Variants in JPT2 observed in about 807,000 individuals in gnomAD.
JPT2 encodes the protein Jupiter microtubule associated homolog 2, also known as CRAMP_1 like.
JPT2 carries 9 observed loss-of-function variants against 15.9 expected under a neutral mutation model. That is an observed-to-expected ratio of 0.57 (90% CI 0.34 to 0.99). The LOEUF is 0.99. Among genes scored for constraint, JPT2 ranks in the 50% least tolerant of loss-of-function variants. The probability of loss-of-function intolerance (pLI) is 0.02; values close to 1 mark genes in which losing one functional copy is unlikely to be tolerated. For missense variants in JPT2, 267 were observed against 252.1 expected, an observed-to-expected ratio of 1.06 and a Z score of -0.40; for synonymous variants, 95 against 91.7, an observed-to-expected ratio of 1.04 and a Z score of -0.21.
At chr16:1,678,771 G>A (rs1039229378) in intron 1 of JPT2, among the ~76,000 whole-genome samples, 11 of 151,910 alleles carry the variant, frequency 7.2e-5, no homozygotes, top group Admixed American at 7.2e-4. Context: ...ATGTTCCCGG[G>A]GGGGTGTCCC....
chr16:1,683,019 C>T (rs2037036115), intron 1 of JPT2, among the ~76,000 whole-genome samples: 1 of 152,090 alleles, frequency 6.6e-6, no homozygotes, highest in Admixed American at 6.6e-5. Flanking sequence ...GCTCTGTCAC[C>T]CAGGCTGGAA....
At chr16:1,702,789 G>GA (rs2037187606), downstream of JPT2, among the ~76,000 whole-genome samples, 2 of 152,212 alleles carry the variant, frequency 1.3e-5, no homozygotes, top group South Asian at 4.1e-4. Context: ...GAACATCACA[G>GA]GGAACTGTGT....
chr16:1,678,289 G>T lies in JPT2; in HGVS notation c.-24G>T. 8.1e-7 allele frequency: 1 copy of T among 1,236,192 alleles called. No individual in the cohort carries two copies. The highest frequency in any genetic ancestry group is 1.0e-6 in the Non-Finnish European group (1 of 986,866). 76.6% of individuals were successfully genotyped at this position (1,236,192 alleles called of 1,614,324 possible). On this transcript the variant is annotated 5_prime_UTR_variant, in exon 1 of 5. Coordinates refer to ENST00000248098, the MANE Select transcript of JPT2 (RefSeq NM_144570.3). Reference sequence around the variant, plus strand: ...TGGGCGGGCGGGAACGGCGCGCGGCGAGCTGAGGGTGGCGGCGGTCGACAT... The same window carrying T: ...TGGGCGGGCGGGAACGGCGCGCGGCTAGCTGAGGGTGGCGGCGGTCGACAT...
intron 1 of JPT2, chr16:1,680,253 T>A (rs1024968970): frequency 2.3e-6 from 2 of 862,462 alleles, no homozygotes; most frequent in African/African-American, 1.8e-5. Flanking sequence ...ATTTAGTACG[T>A]TTCCTTTTTG....
intron 1 of JPT2, among the ~76,000 whole-genome samples, chr16:1,682,246 G>A (rs2037029101): frequency 6.6e-6 from 1 of 152,102 alleles, no homozygotes. Context: ...GCACGGTGAC[G>A]CACACCTGTA....
Position 1,698,970 on chromosome 16 carries a change from G to C in JPT2, c.545G>C (p.Gly182Ala). Residue 182 changes from glycine to alanine, a missense_variant, in exon 5 of 5, where the codon GGA becomes GCA. Transcript: ENST00000248098. The surrounding 1 kb of genome is among the most constrained non-coding windows in gnomAD (Gnocchi z 4.9). ...CACAACAAGGTCCTGAACCCACCGG[G>C]AGGCAAATCCAGCATCTCCTTCTAC... Reference protein sequence around the residue: ...RSHNKVLNPPGGKSSISFY With the variant: ...RSHNKVLNPPAGKSSISFY 6.2e-7 allele frequency: 1 copy of C among 1,613,428 alleles called. No homozygotes were observed. The highest frequency in any genetic ancestry group is 8.5e-7 in the Non-Finnish European group (1 of 1,179,672).
rs957983512 is a variant in JPT2 at position 1,698,877 on chromosome 16, C to G, written c.452C>G (p.Ala151Gly). ...GGCAGCGCCAGAAAAGCAGGCCCCG[C>G]CAAGGAGCAGGAGCCCATGCCCACA... ...EKGSARKAGP[A>G]KEQEPMPTVD... Residue 151 changes from alanine to glycine, a missense_variant, in exon 5 of 5, where the codon GCC (alanine) becomes GGC (glycine). By Grantham distance (60) the Ala-to-Gly change is moderately conservative (BLOSUM62 0). Coordinates refer to ENST00000248098, the MANE Select transcript of JPT2 (RefSeq NM_144570.3). The surrounding 1 kb of genome is among the most constrained non-coding windows in gnomAD (Gnocchi z 4.9). The G allele has an allele frequency of 3.1e-6, 5 of 1,614,102 alleles. No homozygotes were observed. The East Asian group carries it at 1.1e-4, about 36-fold the overall frequency.
chr16:1,689,662 G>A (rs2037091184), intron 2 of JPT2: 1 of 152,192 alleles, frequency 6.6e-6, no homozygotes, highest in Non-Finnish European at 1.5e-5. Flanking sequence ...CGCTAGTATT[G>A]AACTCCTGGA....
At chr16:1,702,547 T>C (rs1488518129), downstream of JPT2, among the ~76,000 whole-genome samples, 4 of 152,254 alleles carry the variant, frequency 2.6e-5, no homozygotes, top group African/African-American at 7.2e-5. Context: ...TGTCCAGGAA[T>C]ACACAGGCTC....
At chr16:1,684,910 CAAAAAAA>C (rs552406058) in intron 1 of JPT2, among the ~76,000 whole-genome samples, 2 of 75,360 alleles carry the variant, frequency 2.7e-5, no homozygotes, top group African/African-American at 1.0e-4. Flanking sequence ...GACTCCATCT[CAAAAAAA>C]AAAAAAAAAG....
intron 2 of JPT2, among the ~76,000 whole-genome samples, chr16:1,687,634 G>A (rs572613573): frequency 5.3e-5 from 8 of 152,300 alleles, no homozygotes; most frequent in Non-Finnish European, 1.0e-4. Flanking sequence ...GGCCCCTTGC[G>A]GTTAGTGAGC....
chr16:1,694,489 C>G (rs982724366), intron 3 of JPT2, among the ~76,000 whole-genome samples: 1 of 152,130 alleles, frequency 6.6e-6, no homozygotes, highest in African/African-American at 2.4e-5. Context: ...GGAAAAAAGT[C>G]CTATAATTCA....
rs200710134 is a variant in JPT2 at position 1,697,039 on chromosome 16, GCGGGAATGA to G, written c.337-771_337-763del. Reference sequence around the variant, plus strand: ...CAGGATTATTCACAGTAGCCCAAGGGCGGGAATGACTCATTTGTCCATCAACAGATGAAT... The same window carrying G: ...CAGGATTATTCACAGTAGCCCAAGGGCTCATTTGTCCATCAACAGATGAAT... On this transcript the variant is annotated intron_variant, in intron 3 of 4. Transcript: ENST00000248098. 5.9e-4 allele frequency among the ~76,000 whole-genome samples: 90 copies of G among 152,320 alleles called. 3 individuals carry two copies. The East Asian group carries it at 0.017, about 29-fold the overall frequency.
At chr16:1,680,422 C>A in intron 1 of JPT2, 1 of 1,184,976 alleles carries the variant, frequency 8.4e-7, no homozygotes, top group Non-Finnish European at 1.1e-6. Context: ...GGTTTCTGGA[C>A]AAGGTGTTGA....
At position 1,699,568 on chromosome 16, in the gene JPT2, T is replaced by G; in HGVS notation, c.*570T>G. 1 of 327,008 alleles carries G rather than the reference T, an allele frequency of 3.1e-6. No homozygotes were observed. The highest frequency in any genetic ancestry group is 7.7e-5 in the East Asian group (1 of 12,952). 20.3% of individuals were successfully genotyped at this position (327,008 alleles called of 1,614,324 possible). A position where few individuals can be genotyped will look rare whatever the true frequency, so the allele number is the denominator to read the frequency against. On this transcript the variant is annotated 3_prime_UTR_variant, in exon 5 of 5. Transcript: ENST00000248098. ...CAGCTTTCAAAAAACCAAATAATAATAGTTATCCGTCTTCTACTTCATGGA... is the reference window on the plus strand; with the variant it reads ...CAGCTTTCAAAAAACCAAATAATAAGAGTTATCCGTCTTCTACTTCATGGA...
chr16:1,683,169 G>A (rs938395287), intron 1 of JPT2, among the ~76,000 whole-genome samples: 2 of 152,062 alleles, frequency 1.3e-5, no homozygotes, highest in Admixed American at 1.3e-4. Flanking sequence ...GTAGAGACGG[G>A]ATTTCACCGT....
rs1567468536 is a variant in JPT2 at position 1,683,487 on chromosome 16, T to TC, written c.45-1951dup. 14 of 1,483,198 alleles carry TC rather than the reference T, an allele frequency of 9.4e-6. No homozygotes were observed. In the South Asian group the frequency reaches 1.1e-4, roughly 12 times the overall value. The allele number at this position is 1,483,198 out of a possible 1,614,324, so 91.9% of individuals were successfully genotyped here. ...TCTTAAGTGCACCTGTCTTTTTTTTTCTCCCTCCTCAAATCCTCCAGGAAA... is the reference window on the plus strand; with the variant it reads ...TCTTAAGTGCACCTGTCTTTTTTTTTCCTCCCTCCTCAAATCCTCCAGGAAA... On this transcript the variant is annotated intron_variant, in intron 1 of 4. Coordinates refer to ENST00000248098, the MANE Select transcript of JPT2 (RefSeq NM_144570.3).
intron 3 of JPT2, 81 bp from the exon 4 acceptor site, chr16:1,697,731 T>G: frequency 7.5e-7 from 1 of 1,324,708 alleles, no homozygotes; most frequent in Non-Finnish European, 1.1e-6. Flanking sequence ...AAAGGTTATA[T>G]GGTCCTGATT....
At chr16:1,683,266 A>G (rs536407536) in intron 1 of JPT2, among the ~76,000 whole-genome samples, 90 of 151,020 alleles carry the variant, frequency 6.0e-4, no homozygotes, top group African/African-American at 2.0e-3. Flanking sequence ...GTGAGCCACC[A>G]CGCCTGGCCT....
Sources: allele counts gnomAD v4.1 joint callset (sites outside exome capture counted in the v4.1 genomes callset), GRCh38; gene constraint gnomAD v4.1.1; non-coding constraint Gnocchi (gnomAD v3.1); transcripts MANE v1.5; gene names NCBI Gene and HGNC (gene_info 2026-07-23, HGNC 2026-07-21).